The following STARD4 variants were observed in gnomAD, a reference collection of about 807,000 sequenced individuals.
STARD4 encodes the protein StAR related lipid transfer domain containing 4.
In STARD4, 33 loss-of-function variants were observed where a neutral mutation model predicts 24.9. The ratio of observed to expected loss-of-function variants is 1.32; its 90% CI spans 1.00 to 1.77. The LOEUF is 1.77. Among genes scored for constraint, STARD4 ranks in the 40% most tolerant of loss-of-function variants. The probability of loss-of-function intolerance (pLI) is 0.00; values close to 1 mark genes in which losing one functional copy is unlikely to be tolerated. For synonymous variants in STARD4, 88 were observed against 77.4 expected (o/e 1.14, Z -0.72); for missense variants, 238 against 249.3 (o/e 0.95, Z 0.31).
intron 1 of STARD4, among the ~76,000 whole-genome samples, chr5:111,510,787 T>C (rs185142223): frequency 2.0e-5 from 3 of 152,330 alleles, no homozygotes; most frequent in African/African-American, 7.2e-5. Flanking sequence ...ACTCCAATTA[T>C]TCTCAAATAT....
chr5:111,503,413 G>A (rs1030972436), intron 3 of STARD4, among the ~76,000 whole-genome samples: 4 of 152,120 alleles, frequency 2.6e-5, no homozygotes, highest in African/African-American at 9.7e-5. Flanking sequence ...GGCGGACCAC[G>A]AGGTCAGGAG....
chr5:111,505,394 T>C (rs1196819950), intron 3 of STARD4, among the ~76,000 whole-genome samples: 1 of 152,224 alleles, frequency 6.6e-6, no homozygotes, highest in African/African-American at 2.4e-5. Context: ...ACATTCTGTA[T>C]ATACTAACAG....
In STARD4 at chr5:111,499,857, GTAC is replaced by G; in HGVS notation, c.*26_*28del. Reference sequence around the variant, plus strand: ...ATGTAGCTGAGAGAGTTGATCTGTAGTACTACAAGTTTGAATGTATTTTGCCTC... The same window carrying G: ...ATGTAGCTGAGAGAGTTGATCTGTAGTACAAGTTTGAATGTATTTTGCCTC... On this transcript the variant is annotated 3_prime_UTR_variant, in exon 6 of 6. Transcript: ENST00000296632. 6.3e-7 allele frequency: 1 copy of G among 1,582,586 alleles called. No individual in the cohort carries two copies. The highest frequency in any genetic ancestry group is 8.7e-7 in the Non-Finnish European group (1 of 1,151,606).
In STARD4 at chr5:111,498,232, A is replaced by G. The variant is rs1756202548; in HGVS notation, c.*1654T>C. The G allele has an allele frequency of 6.6e-6, 1 of 152,002 alleles. No homozygotes were observed. Among genetic ancestry groups the G allele is most frequent in the Non-Finnish European group, 1.5e-5 (1 of 67,956 alleles). 9.4% of individuals were successfully genotyped at this position (152,002 alleles called of 1,614,324 possible). ...ACAGTGAAAATGTTTCCATGAGGGT[A>G]ATTTTACCTAGAGTGGGTCCATGTT... On this transcript the variant is annotated 3_prime_UTR_variant, in exon 6 of 6. Transcript: ENST00000296632.
chr5:111,502,117 T>C, intron 3 of STARD4, 29 bp from the exon 4 acceptor site: 3 of 1,599,924 alleles, frequency 1.9e-6, no homozygotes, highest in Non-Finnish European at 2.6e-6. Context: ...AGTCAACCGC[T>C]GTTACAATAA....
Position 111,507,419 on chromosome 5 carries a change from A to C in STARD4, c.15T>G (p.Ser5=). MEGL[S]DVASFATKLK... ...GTTTAGTTGCAAAAGAAGCAACATC[A>C]GACAGGCCTTCCATTACTTCTCTCT... Residue 5 remains serine, a synonymous_variant, in exon 2 of 6, where the codon TCT becomes TCG. Coordinates refer to ENST00000296632, the MANE Select transcript of STARD4 (RefSeq NM_139164.3). This position sits in a 1 kb window ranked among gnomAD's most constrained non-coding sequence, Gnocchi z 4.4. 1.9e-6 allele frequency: 3 copies of C among 1,613,626 alleles called. No homozygotes were observed. Among genetic ancestry groups the C allele is most frequent in the Non-Finnish European group, 2.5e-6 (3 of 1,179,760 alleles).
chr5:111,506,564 G>T (rs565639516), intron 2 of STARD4, among the ~76,000 whole-genome samples, 185 bp from the exon 3 acceptor site: 9 of 152,106 alleles, frequency 5.9e-5, no homozygotes, highest in Non-Finnish European at 1.2e-4. Flanking sequence ...GTATCCTAAA[G>T]TTCTTCACAT....
At position 111,507,235 on chromosome 5, in the gene STARD4, C is replaced by A; in HGVS notation, c.105+94G>T. 9.8e-7 allele frequency: 1 copy of A among 1,024,620 alleles called. No homozygotes were observed. 63.5% of individuals were successfully genotyped at this position (1,024,620 alleles called of 1,614,324 possible). A position where few individuals can be genotyped will look rare whatever the true frequency, so the allele number is the denominator to read the frequency against. On this transcript the variant is annotated intron_variant, in intron 2 of 5. Coordinates refer to ENST00000296632, the MANE Select transcript of STARD4 (RefSeq NM_139164.3). This position sits in a 1 kb window ranked among gnomAD's most constrained non-coding sequence, Gnocchi z 4.4. ...CTTGCATATCCATCCAAAGTATGGT[C>A]TTTGTCCATATTGTTCCATTTAATT... is the stretch of plus-strand genomic sequence containing the variant.
Position 111,499,998 on chromosome 5 carries a change from A to G in STARD4, c.506T>C (p.Leu169Ser), listed in dbSNP as rs375479962. 6.2e-6 allele frequency: 10 copies of G among 1,614,074 alleles called. No homozygotes were observed. The African/African-American group carries it at 1.2e-4, about 19-fold the overall frequency. The change falls in exon 6 of 6, where the codon TTG (leucine) becomes TCG (serine). Residue 169 changes from leucine (L) to serine (S), a missense_variant. By Grantham distance (145) the Leu-to-Ser change is moderately radical. Transcript: ENST00000296632. ...PLKDNPNQSLLTGYIQTDLRG... is the reference protein window; with the variant it reads ...PLKDNPNQSLSTGYIQTDLRG... ...CAGATCTGTCTGAATATATCCTGTC[A>G]AAAGACTCTGGTTTGGGTTGTCTTT...
intron 5 of STARD4, 86 bp downstream of exon 5, chr5:111,500,916 A>G: frequency 6.2e-7 from 1 of 1,608,332 alleles, no homozygotes; most frequent in Non-Finnish European, 8.5e-7. Context: ...TTGAAAATAT[A>G]TCTCACAAGG....
intron 1 of STARD4, among the ~76,000 whole-genome samples, chr5:111,509,767 T>C (rs1757113752): frequency 6.6e-6 from 1 of 152,174 alleles, no homozygotes; most frequent in African/African-American, 2.4e-5. Context: ...TTCTCACTTA[T>C]GGAAGACCTC....
chr5:111,503,224 C>T (rs1193259893), intron 3 of STARD4, among the ~76,000 whole-genome samples: 1 of 152,174 alleles, frequency 6.6e-6, no homozygotes, highest in Non-Finnish European at 1.5e-5. Flanking sequence ...TGTACAATTC[C>T]ATAAATGGTG....
In STARD4 at chr5:111,498,011, C is replaced by T. The variant is rs1319451076; in HGVS notation, c.*1875G>A. On this transcript the variant is annotated 3_prime_UTR_variant, in exon 6 of 6. Coordinates refer to ENST00000296632, the MANE Select transcript of STARD4 (RefSeq NM_139164.3). The stretch of plus-strand genomic sequence containing the variant: ...AGATTGTGCTGATGGCTGCATAGTT[C>T]TACATATGTATTAAAACATCACTGA... 2 of 151,926 alleles carry T rather than the reference C, an allele frequency of 1.3e-5. No individual in the cohort carries two copies. The highest frequency in any genetic ancestry group is 2.9e-5 in the Non-Finnish European group (2 of 67,938). The allele number at this position is 151,926 out of a possible 1,614,324, so 9.4% of individuals were successfully genotyped here.
Position 111,502,045 on chromosome 5 carries a change from T to G in STARD4, c.199A>C (p.Ile67Leu), listed in dbSNP as rs750678408. The change falls in exon 4 of 6, where the codon ATA becomes CTA. Residue 67 changes from isoleucine (I) to leucine (L), a missense_variant. Physicochemically the swap from Ile to Leu is conservative, Grantham distance 5. Coordinates refer to ENST00000296632, the MANE Select transcript of STARD4 (RefSeq NM_139164.3). The stretch of plus-strand genomic sequence containing the variant: ...CAAGGCCCTGGGCGTATATGGTCTA[T>G]TATACTATAGACAAGGTCATCTATA... ...GVIDDLVYSI[I>L]DHIRPGPCRL... 1 of 1,614,160 alleles carries G rather than the reference T, an allele frequency of 6.2e-7. No homozygotes were observed. Among genetic ancestry groups the G allele is most frequent in the Non-Finnish European group, 8.5e-7 (1 of 1,180,022 alleles).
In STARD4 at chr5:111,498,685, T is replaced by C. The variant is rs1038812798; in HGVS notation, c.*1201A>G. The C allele has an allele frequency of 2.6e-5, 4 of 152,176 alleles. No individual in the cohort carries two copies. The highest frequency in any genetic ancestry group is 9.7e-5 in the African/African-American group (4 of 41,450). 9.4% of individuals were successfully genotyped at this position (152,176 alleles called of 1,614,324 possible). On this transcript the variant is annotated 3_prime_UTR_variant, in exon 6 of 6. Coordinates refer to ENST00000296632, the MANE Select transcript of STARD4 (RefSeq NM_139164.3). ...TAAATCATTAAGAATATAGAATCCT[T>C]TGTGCATTCCTTCTGTCAGATCTTG...
Position 111,501,961 on chromosome 5 carries a change from C to G in STARD4, c.282+1G>C, listed in dbSNP as rs749811876. On this transcript the variant is annotated splice_donor_variant, in intron 4 of 5. Transcript: ENST00000296632. LOFTEE classifies it high-confidence loss of function. The stretch of plus-strand genomic sequence containing the variant: ...CTAAAGTAATGTTTCTAAATAGATA[C>G]CTCTTCAAAGTTCTCCAGAATATCC... 1 of 1,613,930 alleles carries G rather than the reference C, an allele frequency of 6.2e-7. No individual in the cohort carries two copies. The highest frequency in any genetic ancestry group is 8.5e-7 in the Non-Finnish European group (1 of 1,179,942).
At chr5:111,506,224 A>T in intron 3 of STARD4, 106 bp downstream of exon 3, 1 of 387,230 alleles carries the variant, frequency 2.6e-6, no homozygotes, top group Non-Finnish European at 4.6e-6. Context: ...AAAAAGTTAA[A>T]GAACTCTTAA....
chr5:111,503,366 C>T (rs1756606841), intron 3 of STARD4, among the ~76,000 whole-genome samples: 1 of 152,194 alleles, frequency 6.6e-6, no homozygotes, highest in Non-Finnish European at 1.5e-5. Flanking sequence ...CGCGGTGGCT[C>T]ATGCCTGTAA....
Position 111,499,596 on chromosome 5 carries a change from ACC to A in STARD4, c.*288_*289del. 1 of 327,100 alleles carries A rather than the reference ACC, an allele frequency of 3.1e-6. No individual in the cohort carries two copies. Among genetic ancestry groups the A allele is most frequent in the Non-Finnish European group, 5.6e-6 (1 of 177,460 alleles). The allele number at this position is 327,100 out of a possible 1,614,324, so 20.3% of individuals were successfully genotyped here. A position where few individuals can be genotyped will look rare whatever the true frequency, so the allele number is the denominator to read the frequency against. ...CTATTCAGGAGGCTGAGGTAGAATAACCCCTTGAGCGGTCAGATCAAAGCTGC... is the reference window on the plus strand; with the variant it reads ...CTATTCAGGAGGCTGAGGTAGAATAACCTTGAGCGGTCAGATCAAAGCTGC... On this transcript the variant is annotated 3_prime_UTR_variant, in exon 6 of 6. Transcript: ENST00000296632.
Sources: allele counts gnomAD v4.1 joint callset (sites outside exome capture counted in the v4.1 genomes callset), GRCh38; gene constraint gnomAD v4.1.1; non-coding constraint Gnocchi (gnomAD v3.1); transcripts MANE v1.5; gene names NCBI Gene and HGNC (gene_info 2026-07-23, HGNC 2026-07-21).